SPTBN4: variants seen among roughly 807,000 people sequenced by gnomAD.
SPTBN4 encodes spectrin beta, non-erythrocytic 4.
In SPTBN4, 96 loss-of-function variants were observed where a neutral mutation model predicts 277.8. The ratio of observed to expected loss-of-function variants is 0.35; its 90% CI spans 0.29 to 0.41. The LOEUF (loss-of-function observed/expected upper bound fraction) is 0.41. Ranked by LOEUF, SPTBN4 falls within the 10% of genes least tolerant of loss-of-function variation. The pLI, the probability that SPTBN4 is intolerant of heterozygous loss-of-function variation, is 1.00. For synonymous variants in SPTBN4, 1,481 were observed against 1,580.3 expected, an observed-to-expected ratio of 0.94 and a Z score of 1.49; for missense variants, 3,006 against 3,595.7, an observed-to-expected ratio of 0.84 and a Z score of 4.19.
chr19:40,499,210 T>C (rs2080236624), intron 7 of SPTBN4, among the ~76,000 whole-genome samples: 1 of 150,746 alleles, frequency 6.6e-6, no homozygotes, highest in South Asian at 2.1e-4. Context: ...TTTTTTTTTT[T>C]GTATTTTTAG....
chr19:40,569,936 C>CACACACACA (rs2081133937), intron 32 of SPTBN4, among the ~76,000 whole-genome samples: 25 of 131,470 alleles, frequency 1.9e-4, no homozygotes, highest in African/African-American at 6.5e-4. Flanking sequence ...TACTGCCCCT[C>CACACACACA]CACACACACA....
chr19:40,562,386 T>C (rs1473659998), intron 27 of SPTBN4, among the ~76,000 whole-genome samples: 1 of 151,792 alleles, frequency 6.6e-6, no homozygotes, highest in Admixed American at 6.6e-5. Context: ...AAAAATTAGC[T>C]GGGTGTTGTG....
Position 40,502,700 on chromosome 19 carries a change from GACCTC to G in SPTBN4, c.1204-73_1204-69del. 1.3e-6 allele frequency: 2 copies of G among 1,556,866 alleles called. No individual in the cohort carries two copies. The highest frequency in any genetic ancestry group is 1.7e-6 in the Non-Finnish European group (2 of 1,151,518). The stretch of plus-strand genomic sequence containing the variant: ...ATGAAGTTGCCATAATGCTATGAGT[GACCTC>G]AGACTAAGTCAAGACCATTAAACTG... On this transcript the variant is annotated intron_variant, in intron 10 of 35. Coordinates refer to ENST00000598249, the MANE Select transcript of SPTBN4 (RefSeq NM_020971.3). The surrounding 1 kb of genome is among the most constrained non-coding windows in gnomAD (Gnocchi z 4.9).
At chr19:40,573,827 C>T (rs2081176365) in intron 35 of SPTBN4, among the ~76,000 whole-genome samples, 1 of 151,044 alleles carries the variant, frequency 6.6e-6, no homozygotes, top group Admixed American at 6.6e-5. Flanking sequence ...ACAGGCCGGG[C>T]ATGGTGGCTC....
At chr19:40,566,671 TA>T (rs1238192672) in intron 30 of SPTBN4, among the ~76,000 whole-genome samples, 1 of 152,026 alleles carries the variant, frequency 6.6e-6, no homozygotes, top group African/African-American at 2.4e-5. Context: ...AATGTAGTAA[TA>T]AAAAGGATTA....
chr19:40,536,951 G>A (rs900773292), intron 20 of SPTBN4, among the ~76,000 whole-genome samples: 1 of 151,562 alleles, frequency 6.6e-6, no homozygotes, highest in South Asian at 2.1e-4. Flanking sequence ...ATGCCTGATT[G>A]ATTTTTTTTT....
chr19:40,569,014 T>C (rs1341782412), intron 31 of SPTBN4, among the ~76,000 whole-genome samples: 2 of 152,174 alleles, frequency 1.3e-5, no homozygotes, highest in African/African-American at 4.8e-5. Context: ...AAAAACAGGC[T>C]TGTCATCAAT....
At position 40,516,918 on chromosome 19, in the gene SPTBN4, C is replaced by T. The variant is rs573273840; in HGVS notation, c.2903+1470C>T. Among the ~76,000 whole-genome samples, 8 of 152,336 alleles carry T rather than the reference C, an allele frequency of 5.3e-5. No individual in the cohort carries two copies. The South Asian group carries it at 1.2e-3, about 24-fold the overall frequency. ...GCTGGGATTACAGTGTAAGCTACTG[C>T]TCCTAGCCCAGAACTCTTTAAGATA... On this transcript the variant is annotated intron_variant, in intron 15 of 35. Transcript: ENST00000598249.
At chr19:40,543,690 T>A (rs1245083430) in intron 20 of SPTBN4, among the ~76,000 whole-genome samples, 2 of 152,138 alleles carry the variant, frequency 1.3e-5, no homozygotes, top group East Asian at 3.9e-4. Flanking sequence ...AATATATGAA[T>A]ATATTCTTTT....
intron 2 of SPTBN4, among the ~76,000 whole-genome samples, chr19:40,478,839 C>T (rs552693485): frequency 3.6e-4 from 55 of 152,260 alleles, no homozygotes; most frequent in Admixed American, 5.9e-4. Flanking sequence ...GAGCCACGCC[C>T]GGCCTGTATG....
chr19:40,569,983 C>CAG (rs1260660533), intron 32 of SPTBN4, among the ~76,000 whole-genome samples: 3 of 148,288 alleles, frequency 2.0e-5, no homozygotes, highest in African/African-American at 5.1e-5. Flanking sequence ...CAGACACACA[C>CAG]ACACAGACAC....
Position 40,549,762 on chromosome 19 carries a change from C to A in SPTBN4, c.4584+349C>A, listed in dbSNP as rs141812826. On this transcript the variant is annotated intron_variant, in intron 21 of 35. Coordinates refer to ENST00000598249, the MANE Select transcript of SPTBN4 (RefSeq NM_020971.3). The stretch of plus-strand genomic sequence containing the variant: ...TTGTTCACTCAGTTGATCATTCTAG[C>A]CCCAGCCCTGTGTTTGGATGATAGT... Among the ~76,000 whole-genome samples the A allele has an allele frequency of 3.0e-4, 45 of 152,338 alleles. 1 individual carries two copies. Among genetic ancestry groups the A allele is most frequent in the Non-Finnish European group, 6.2e-4 (42 of 68,028 alleles).
In SPTBN4 at chr19:40,570,419, C is replaced by T; in HGVS notation, c.7027-17C>T. 3 of 1,546,340 alleles carry T rather than the reference C, an allele frequency of 1.9e-6. No individual in the cohort carries two copies. Among genetic ancestry groups the T allele is most frequent in the Non-Finnish European group, 2.6e-6 (3 of 1,153,144 alleles). On this transcript the variant is annotated splice_polypyrimidine_tract_variant and intron_variant, in intron 32 of 35. Coordinates refer to ENST00000598249, the MANE Select transcript of SPTBN4 (RefSeq NM_020971.3). ...CTCTCCATGGACAGCACCCCTCTTC[C>T]CCCTCCCTTCACACAGCCGTCGCTG...
intron 12 of SPTBN4, among the ~76,000 whole-genome samples, chr19:40,505,507 C>G (rs2080315895): frequency 6.6e-6 from 1 of 151,714 alleles, no homozygotes; most frequent in Non-Finnish European, 1.5e-5. Context: ...GCCTGGCCAA[C>G]ATGGCGAAAC....
chr19:40,504,307 A>G (rs1018412027), intron 12 of SPTBN4, among the ~76,000 whole-genome samples, 175 bp downstream of exon 12: 1 of 152,064 alleles, frequency 6.6e-6, no homozygotes, highest in African/African-American at 2.4e-5. Flanking sequence ...AGAGAAAGAT[A>G]CAGAGATGGA....
At chr19:40,552,318 G>A (rs2080926815) in intron 22 of SPTBN4, among the ~76,000 whole-genome samples, 1 of 150,738 alleles carries the variant, frequency 6.6e-6, no homozygotes, top group Non-Finnish European at 1.5e-5. Flanking sequence ...AGCCGGGCGA[G>A]GTGTCGGGCG....
At chr19:40,497,204 C>T (rs543718341) in intron 6 of SPTBN4, among the ~76,000 whole-genome samples, 8 of 152,228 alleles carry the variant, frequency 5.3e-5, no homozygotes, top group African/African-American at 1.7e-4. Context: ...TCATCTCTTC[C>T]AAGCACACTC....
In SPTBN4 at chr19:40,490,344, CCTAATATGCTGGAAT is replaced by C; in HGVS notation, c.495+98_495+112del. On this transcript the variant is annotated intron_variant, in intron 4 of 35. Transcript: ENST00000598249. The surrounding 1 kb of genome is among the most constrained non-coding windows in gnomAD (Gnocchi z 4.3). ...ATTCATTCTTTCCTTCCAATAATATCCTAATATGCTGGAATCCTATTCCAGGTGTTAGGGATGAAA... is the reference window on the plus strand; with the variant it reads ...ATTCATTCTTTCCTTCCAATAATATCCCTATTCCAGGTGTTAGGGATGAAA... 4 of 1,400,254 alleles carry C rather than the reference CCTAATATGCTGGAAT, an allele frequency of 2.9e-6. No homozygotes were observed. The highest frequency in any genetic ancestry group is 3.8e-6 in the Non-Finnish European group (4 of 1,039,278). 86.7% of individuals were successfully genotyped at this position (1,400,254 alleles called of 1,614,324 possible).
intron 20 of SPTBN4, among the ~76,000 whole-genome samples, chr19:40,545,729 G>A (rs890069162): frequency 7.2e-5 from 11 of 151,852 alleles, no homozygotes; most frequent in Non-Finnish European, 1.0e-4. Context: ...CCAACATGGT[G>A]AAACCCCATC....
Sources: gnomAD v4.1 joint callset for allele counts (sites outside exome capture counted in the v4.1 genomes callset) on GRCh38, gnomAD v4.1.1 for gene constraint, Gnocchi (gnomAD v3.1) non-coding constraint, MANE v1.5 for transcripts, NCBI Gene and HGNC (gene_info 2026-07-23, HGNC 2026-07-21) for gene names.